GALNT13: variants seen among roughly 807,000 people sequenced by gnomAD.
The protein encoded by GALNT13 is UDP-GalNAc:polypeptide N-acetylgalactosaminyltransferase 13.
In GALNT13, 28 loss-of-function variants were observed where a neutral mutation model predicts 64.2. That is an observed-to-expected ratio of 0.44 (90% CI 0.32 to 0.60). The LOEUF (loss-of-function observed/expected upper bound fraction) is 0.60. Among genes scored for constraint, GALNT13 ranks in the 20% least tolerant of loss-of-function variants. The pLI is 0.05. For missense variants in GALNT13, 577 were observed against 669.8 expected (o/e 0.86, Z 1.53); for synonymous variants, 214 against 224.6 (o/e 0.95, Z 0.42).
chr2:154,455,426 T>G (rs1702019536), downstream of GALNT13, among the ~76,000 whole-genome samples: 1 of 152,208 alleles, frequency 6.6e-6, no homozygotes, highest in African/African-American at 2.4e-5. Context: ...TGTGTCACCA[T>G]CTACAGCTGT....
the GALNT13 span, among the ~76,000 whole-genome samples, chr2:153,822,293 G>A: frequency 2.0e-5 from 3 of 151,976 alleles, no homozygotes; most frequent in African/African-American, 7.2e-5. Flanking sequence ...GAAAAAAACA[G>A]GCAAATATTC....
At chr2:153,074,766 A>G in the GALNT13 span, among the ~76,000 whole-genome samples, 1 of 152,242 alleles carries the variant, frequency 6.6e-6, no homozygotes, top group East Asian at 1.9e-4. Flanking sequence ...TGGAGATATG[A>G]TCTTTCTCTG....
At chr2:153,589,389 G>A in the GALNT13 span, among the ~76,000 whole-genome samples, 3 of 152,114 alleles carry the variant, frequency 2.0e-5, no homozygotes, top group African/African-American at 7.2e-5. Context: ...AGTCTTTAGG[G>A]AGTTCCAAAC....
At chr2:153,917,587 C>A (rs1287771372) in intron 2 of GALNT13, among the ~76,000 whole-genome samples, 1 of 152,076 alleles carries the variant, frequency 6.6e-6, no homozygotes, top group Non-Finnish European at 1.5e-5. Flanking sequence ...TAAACTATAA[C>A]AATGATGTTA....
At chr2:153,178,869 G>GC in the GALNT13 span, among the ~76,000 whole-genome samples, 1 of 16,254 alleles carries the variant, frequency 6.2e-5, no homozygotes, top group African/African-American at 1.9e-4. Context: ...CCGAGTAGCT[G>GC]GACCAGAGGC....
chr2:154,127,990 ATAATG>A (rs958118073), intron 3 of GALNT13, among the ~76,000 whole-genome samples: 14 of 152,102 alleles, frequency 9.2e-5, no homozygotes, highest in African/African-American at 3.4e-4. Flanking sequence ...TTACAATTCT[ATAATG>A]TAATCTTTTC....
At position 153,901,817 on chromosome 2, in the gene GALNT13, A is replaced by T. The variant is rs754583349; in HGVS notation, c.-105+810A>T. 3.2e-4 allele frequency among the ~76,000 whole-genome samples: 48 copies of T among 152,210 alleles called. 1 individual carries two copies. Among genetic ancestry groups the T allele is most frequent in the Non-Finnish European group, 4.6e-4 (31 of 68,026 alleles). ...TTGATTAGAGAAAACTTAAAAATAT[A>T]TAACAGCTCCTCCCCTAATGGCAGA... On this transcript the variant is annotated intron_variant, in intron 2 of 12. Transcript: ENST00000392825.
chr2:153,536,835 G>C, the GALNT13 span, among the ~76,000 whole-genome samples: 3,057 of 152,242 alleles, frequency 0.02, 222 homozygotes, highest in East Asian at 0.21. Flanking sequence ...ATGAAAATAA[G>C]ATACAATTAT....
intron 2 of GALNT13, among the ~76,000 whole-genome samples, chr2:153,918,691 T>C (rs1397031026): frequency 1.3e-5 from 2 of 152,190 alleles, no homozygotes; most frequent in Non-Finnish European, 2.9e-5. Flanking sequence ...AGGGTGATAG[T>C]TCAAATGAAT....
intron 3 of GALNT13, among the ~76,000 whole-genome samples, chr2:154,094,823 A>T (rs1701996976): frequency 6.6e-6 from 1 of 151,802 alleles, no homozygotes; most frequent in South Asian, 2.1e-4. Context: ...CAGATTTCTT[A>T]ATCTTATGCA....
Position 154,201,964 on chromosome 2 carries a change from A to G in GALNT13, c.312-40066A>G, listed in dbSNP as rs546143240. ...CCTAATTTTATTATTGCTGTTTACA[A>G]TTTGTCCCTTGACAATTACATTTTT... is the stretch of plus-strand genomic sequence containing the variant. On this transcript the variant is annotated intron_variant, in intron 4 of 12. Coordinates refer to ENST00000392825, the MANE Select transcript of GALNT13 (RefSeq NM_052917.4). Among the ~76,000 whole-genome samples the G allele has an allele frequency of 1.4e-4, 21 of 152,252 alleles. 1 individual carries two copies. Among genetic ancestry groups the G allele is most frequent in the Admixed American group, 9.2e-4 (14 of 15,288 alleles).
intron 9 of GALNT13, among the ~76,000 whole-genome samples, chr2:154,325,205 A>G (rs1317803741): frequency 3.2e-4 from 49 of 152,062 alleles, no homozygotes; most frequent in Admixed American, 3.2e-3. Flanking sequence ...TTATCCCTGA[A>G]CCTAAACCTA....
At chr2:154,340,348 C>G (rs188626542) in intron 9 of GALNT13, among the ~76,000 whole-genome samples, 33 of 152,226 alleles carry the variant, frequency 2.2e-4, no homozygotes, top group Admixed American at 1.5e-3. Context: ...TTCAGCCTTT[C>G]CTGTAGCTGG....
At chr2:153,673,402 A>G in the GALNT13 span, among the ~76,000 whole-genome samples, 13 of 152,230 alleles carry the variant, frequency 8.5e-5, no homozygotes, top group Admixed American at 4.6e-4. Context: ...GGCTAGTTCA[A>G]CATACGCAAA....
chr2:154,307,918 A>G (rs1386038585), intron 9 of GALNT13, among the ~76,000 whole-genome samples: 15 of 152,202 alleles, frequency 9.9e-5, no homozygotes, highest in Non-Finnish European at 1.5e-5. Flanking sequence ...GACTATAGTC[A>G]TAATACTTTC....
the GALNT13 span, among the ~76,000 whole-genome samples, chr2:153,682,576 T>C: frequency 6.6e-6 from 1 of 151,754 alleles, no homozygotes; most frequent in African/African-American, 2.4e-5. Context: ...ATAATGTAGT[T>C]CCTTGGAAAA....
At chr2:153,669,613 T>A in the GALNT13 span, among the ~76,000 whole-genome samples, 1 of 152,188 alleles carries the variant, frequency 6.6e-6, no homozygotes, top group Admixed American at 6.5e-5. Flanking sequence ...GTGAGATTGA[T>A]GCAAAAGACA....
At chr2:154,308,357 GT>G in intron 9 of GALNT13, among the ~76,000 whole-genome samples, 1 of 152,048 alleles carries the variant, frequency 6.6e-6, no homozygotes, top group East Asian at 1.9e-4. Flanking sequence ...TGTTATTAAA[GT>G]TTAAAGCCTA....
At chr2:153,219,900 A>C in the GALNT13 span, among the ~76,000 whole-genome samples, 1 of 152,238 alleles carries the variant, frequency 6.6e-6, no homozygotes, top group African/African-American at 2.4e-5. Flanking sequence ...AAAAATATTT[A>C]GTGCAATTGT....
Sources: allele counts gnomAD v4.1 joint callset (sites outside exome capture counted in the v4.1 genomes callset), GRCh38; gene constraint gnomAD v4.1.1; transcripts MANE v1.5; gene names NCBI Gene and HGNC (gene_info 2026-07-23, HGNC 2026-07-21).